FBXO46: variants seen among roughly 807,000 people sequenced by gnomAD.
The protein encoded by FBXO46 is F-box protein 46, also known as F-box only protein 46.
Under a neutral mutation model 30.7 loss-of-function variants are expected in FBXO46, and 13 were observed. The ratio of observed to expected loss-of-function variants is 0.42; its 90% CI spans 0.28 to 0.67. FBXO46 has a LOEUF of 0.67. Among genes scored for constraint, FBXO46 ranks in the 30% least tolerant of loss-of-function variants. The probability of loss-of-function intolerance (pLI) is 0.21; values close to 1 mark genes in which losing one functional copy is unlikely to be tolerated. For missense variants in FBXO46, 754 were observed against 871.5 expected, an observed-to-expected ratio of 0.87 and a Z score of 1.70; for synonymous variants, 467 against 385.8, an observed-to-expected ratio of 1.21 and a Z score of -2.47.
At chr19:45,727,514 A>G (rs1338292199) in intron 1 of FBXO46, among the ~76,000 whole-genome samples, 3 of 151,712 alleles carry the variant, frequency 2.0e-5, no homozygotes, top group Non-Finnish European at 4.4e-5. Flanking sequence ...AGCCAAGATC[A>G]CACCACTGGC....
rs764540877 is a variant in FBXO46 at position 45,711,704 on chromosome 19, C to T, written c.1792G>A (p.Gly598Ser). 1.0e-5 allele frequency: 16 copies of T among 1,529,030 alleles called. No homozygotes were observed. The South Asian group carries it at 1.3e-4, about 13-fold the overall frequency. 94.7% of individuals were successfully genotyped at this position (1,529,030 alleles called of 1,614,324 possible). A position where few individuals can be genotyped will look rare whatever the true frequency, so the allele number is the denominator to read the frequency against. The change falls in exon 2 of 2, where the codon GGC (glycine) becomes AGC (serine). Residue 598 changes from glycine to serine, a missense_variant. Physicochemically the swap from Gly to Ser is moderately conservative, Grantham distance 56. Coordinates refer to ENST00000317683, the MANE Select transcript of FBXO46 (RefSeq NM_001080469.2). ...PCNGPGGGRA[G>S]REEGR The stretch of plus-strand genomic sequence containing the variant: ...CGGCTTCACCTCCCCTCCTCCCGGC[C>T]GGCCCGGCCCCCGCCTGGCCCATTG...
intron 1 of FBXO46, among the ~76,000 whole-genome samples, chr19:45,724,749 GGTTC>G (rs1968216423): frequency 6.6e-6 from 1 of 152,152 alleles, no homozygotes; most frequent in Non-Finnish European, 1.5e-5. Flanking sequence ...CGCCTCCTGG[GGTTC>G]AAGTGATTCT....
At chr19:45,718,988 T>C (rs1013840371) in intron 1 of FBXO46, among the ~76,000 whole-genome samples, 2 of 146,590 alleles carry the variant, frequency 1.4e-5, no homozygotes, top group African/African-American at 5.1e-5. Context: ...GGCTCACACC[T>C]GTAATCCCAG....
At chr19:45,715,806 C>CAAAAAAAAAAAA (rs71175215) in intron 1 of FBXO46, 6 of 79,428 alleles carry the variant, frequency 7.6e-5, no homozygotes, top group Admixed American at 1.6e-4. Flanking sequence ...AACTCCATCT[C>CAAAAAAAAAAAA]AAAAAAAAAA....
rs760382297 is a variant in FBXO46 at position 45,713,457 on chromosome 19, G to A, written c.39C>T (p.Cys13=). Residue 13 remains cysteine, a synonymous_variant, in exon 2 of 2, where the codon TGC becomes TGT. Coordinates refer to ENST00000317683, the MANE Select transcript of FBXO46 (RefSeq NM_001080469.2). The surrounding 1 kb of genome is among the most constrained non-coding windows in gnomAD (Gnocchi z 4.7). ...RGSLLPFQLW[C]PRPFGTYSQN... ...GTGAGTAGGTGCCAAAGGGCCGGGG[G>A]CACCATAGCTGGAAGGGCAGGAGGC... 45 of 1,589,664 alleles carry A rather than the reference G, an allele frequency of 2.8e-5. No homozygotes were observed. The highest frequency in any genetic ancestry group is 3.7e-5 in the Non-Finnish European group (43 of 1,163,714).
upstream of FBXO46, among the ~76,000 whole-genome samples, chr19:45,732,091 T>C (rs569997683): frequency 2.3e-4 from 33 of 145,164 alleles, no homozygotes; most frequent in African/African-American, 6.9e-4. Flanking sequence ...CACTCCAGCC[T>C]GGGGGACAGA....
intron 1 of FBXO46, among the ~76,000 whole-genome samples, chr19:45,721,000 CA>C (rs11326838): frequency 0.79 from 84,792 of 107,492 alleles, 32,475 homozygotes; most frequent in East Asian, 0.89. Context: ...GACTCTCAGC[CA>C]AAAAAAAAAA....
chr19:45,717,012 C>T lies in FBXO46; in HGVS notation c.-78-3439G>A, dbSNP rs576890668. 5 of 152,370 alleles carry T rather than the reference C, an allele frequency of 3.3e-5. No individual in the cohort carries two copies. The East Asian group carries it at 9.6e-4, about 29-fold the overall frequency. 9.4% of individuals were successfully genotyped at this position (152,370 alleles called of 1,614,324 possible). On this transcript the variant is annotated intron_variant, in intron 1 of 1. Coordinates refer to ENST00000317683, the MANE Select transcript of FBXO46 (RefSeq NM_001080469.2). Reference sequence around the variant, plus strand: ...TCTATGCCCAACAAACACTCCAAAACACAAAGGGAACCCGATCCCGAAAAC... The same window carrying T: ...TCTATGCCCAACAAACACTCCAAAATACAAAGGGAACCCGATCCCGAAAAC...
chr19:45,717,322 G>A (rs1968108865), intron 1 of FBXO46: 1 of 152,210 alleles, frequency 6.6e-6, no homozygotes, highest in Non-Finnish European at 1.5e-5. Context: ...CGCGCGAAAG[G>A]TAAAAGGGCC....
Position 45,711,355 on chromosome 19 carries a change from CG to C in FBXO46, c.*328del, listed in dbSNP as rs1568543468. On this transcript the variant is annotated 3_prime_UTR_variant, in exon 2 of 2. Transcript: ENST00000317683. ...CTTAAGTGGTACCAAAATTAGCTGC[CG>C]TCTGCTCCCTGCTGGTGGGTCCTTG... 1.9e-6 allele frequency: 1 copy of C among 527,298 alleles called. No individual in the cohort carries two copies. The highest frequency in any genetic ancestry group is 3.6e-6 in the Non-Finnish European group (1 of 279,402). 32.7% of individuals were successfully genotyped at this position (527,298 alleles called of 1,614,324 possible).
Position 45,713,683 on chromosome 19 carries a change from C to G in FBXO46, c.-78-110G>C, listed in dbSNP as rs1968039580. On this transcript the variant is annotated intron_variant, in intron 1 of 1. Coordinates refer to ENST00000317683, the MANE Select transcript of FBXO46 (RefSeq NM_001080469.2). This position sits in a 1 kb window ranked among gnomAD's most constrained non-coding sequence, Gnocchi z 4.7. Reference sequence around the variant, plus strand: ...AAACCAGACCATCAAGAACTCTATTCCTGGCTGGGCGCGGTGGCTCACGCC... The same window carrying G: ...AAACCAGACCATCAAGAACTCTATTGCTGGCTGGGCGCGGTGGCTCACGCC... 3.1e-5 allele frequency: 16 copies of G among 523,276 alleles called. 1 individual carries two copies. In the South Asian group the frequency reaches 5.2e-4, roughly 17 times the overall value. The allele number at this position is 523,276 out of a possible 1,614,324, so 32.4% of individuals were successfully genotyped here.
Position 45,712,504 on chromosome 19 carries a change from T to A in FBXO46, c.992A>T (p.Asp331Val), listed in dbSNP as rs758917548. The change falls in exon 2 of 2, where the codon GAT becomes GTT. Residue 331 changes from aspartate to valine, a missense_variant. Asp to Val is a radical substitution (Grantham distance 152). Coordinates refer to ENST00000317683, the MANE Select transcript of FBXO46 (RefSeq NM_001080469.2). The surrounding 1 kb of genome is among the most constrained non-coding windows in gnomAD (Gnocchi z 8.8). ...SNVEFLLARA[D>V]EASEGDSPAP... is the part of the protein sequence containing the mutation. ...CGGGCTGTCACCCTCACTGGCCTCA[T>A]CCGCCCTGGCCAGCAGGAACTCCAC... The A allele has an allele frequency of 1.9e-6, 3 of 1,605,012 alleles. No individual in the cohort carries two copies. The highest frequency in any genetic ancestry group is 2.6e-6 in the Non-Finnish European group (3 of 1,175,292).
chr19:45,716,580 C>T (rs1240215232), intron 1 of FBXO46: 6 of 152,158 alleles, frequency 3.9e-5, no homozygotes, highest in Non-Finnish European at 8.8e-5. Context: ...TCCCCCCAAC[C>T]CTCCTCCATT....
In FBXO46 at chr19:45,712,046, T is replaced by C; in HGVS notation, c.1450A>G (p.Ile484Val). The C allele has an allele frequency of 6.2e-7, 1 of 1,612,054 alleles. No homozygotes were observed. Among genetic ancestry groups the C allele is most frequent in the East Asian group, 2.2e-5 (1 of 44,820 alleles). Residue 484 changes from isoleucine to valine, a missense_variant, in exon 2 of 2, where the codon ATC becomes GTC. Ile to Val is a conservative substitution (Grantham distance 29). This residue lies in a region of FBXO46 where 162 missense variants were observed against 258.7 expected (regional missense o/e 0.63). Coordinates refer to ENST00000317683, the MANE Select transcript of FBXO46 (RefSeq NM_001080469.2). This position sits in a 1 kb window ranked among gnomAD's most constrained non-coding sequence, Gnocchi z 8.8. ...LLLPEHVLVK[I>V]FSFLPTRALA... ...GCGCGCGTGGGCAGGAAGCTGAAGA[T>C]CTTGACCAGCACGTGCTCGGGCAGC...
rs1265424556 is a variant in FBXO46, at chr19:45,711,649, G to A, written c.*35C>T. The A allele has an allele frequency of 2.0e-6, 3 of 1,471,154 alleles. No homozygotes were observed. Among genetic ancestry groups the A allele is most frequent in the African/African-American group, 1.4e-5 (1 of 71,688 alleles). 91.1% of individuals were successfully genotyped at this position (1,471,154 alleles called of 1,614,324 possible). A position where few individuals can be genotyped will look rare whatever the true frequency, so the allele number is the denominator to read the frequency against. On this transcript the variant is annotated 3_prime_UTR_variant, in exon 2 of 2. Coordinates refer to ENST00000317683, the MANE Select transcript of FBXO46 (RefSeq NM_001080469.2). ...GCTCCCGGGGGGAGAGGGGAGGGGT[G>A]GGCGTGGTGGGCTCTCCCCTCCCCT...
chr19:45,726,005 G>T (rs1968234733), intron 1 of FBXO46, among the ~76,000 whole-genome samples: 1 of 152,084 alleles, frequency 6.6e-6, no homozygotes, highest in Admixed American at 6.6e-5. Context: ...CAGAGGTGCT[G>T]GGACTATAGG....
At chr19:45,723,153 G>T (rs1568548859) in intron 1 of FBXO46, among the ~76,000 whole-genome samples, 9 of 152,136 alleles carry the variant, frequency 5.9e-5, no homozygotes, top group Admixed American at 5.2e-4. Context: ...CAGAAGGATC[G>T]CTTGAGCCTT....
chr19:45,714,994 A>G (rs1293563621), intron 1 of FBXO46: 1 of 152,178 alleles, frequency 6.6e-6, no homozygotes, highest in East Asian at 1.9e-4. Flanking sequence ...CAGAGTGGGG[A>G]AGGGTGACAT....
At chr19:45,719,187 T>G (rs1968139738) in intron 1 of FBXO46, among the ~76,000 whole-genome samples, 1 of 152,100 alleles carries the variant, frequency 6.6e-6, no homozygotes, top group African/African-American at 2.4e-5. Flanking sequence ...AGGTAGAGGC[T>G]GCAGTGAGCT....
Sources: allele counts gnomAD v4.1 joint callset (sites outside exome capture counted in the v4.1 genomes callset), GRCh38; gene constraint gnomAD v4.1.1; regional missense constraint gnomAD v4.1.1; non-coding constraint Gnocchi (gnomAD v3.1); transcripts MANE v1.5; gene names NCBI Gene and HGNC (gene_info 2026-07-23, HGNC 2026-07-21).